The following PTPRD variants were observed in gnomAD, a reference collection of about 807,000 sequenced individuals.
PTPRD encodes receptor-type tyrosine-protein phosphatase delta.
A neutral mutation model predicts 214.5 loss-of-function variants in PTPRD; 34 were observed. The ratio of observed to expected loss-of-function variants is 0.16; its 90% CI spans 0.12 to 0.21. The LOEUF is 0.21. PTPRD is among the 10% of genes least tolerant of loss of function. The pLI is 1.00. For synonymous variants in PTPRD, 1,128 were observed against 845.7 expected (o/e 1.33, Z -5.79); for missense variants, 2,545 against 2,398.7 (o/e 1.06, Z -1.27).
At chr9:10,412,675 C>T (rs1170357975) in intron 2 of PTPRD, among the ~76,000 whole-genome samples, 1 of 150,064 alleles carries the variant, frequency 6.7e-6, no homozygotes, top group East Asian at 2.0e-4. Flanking sequence ...CCCCTTGAAG[C>T]CAATATTCTT....
intron 6 of PTPRD, among the ~76,000 whole-genome samples, chr9:9,765,551 G>C (rs988377436): frequency 2.0e-5 from 3 of 152,190 alleles, no homozygotes; most frequent in South Asian, 4.1e-4. Flanking sequence ...AGAAGTTTTA[G>C]AGAAACCCTT....
chr9:10,466,623 C>CAAAAAAAAA (rs66705572), intron 2 of PTPRD, among the ~76,000 whole-genome samples: 20 of 76,874 alleles, frequency 2.6e-4, no homozygotes, highest in African/African-American at 1.1e-3. Flanking sequence ...AACTCCAACT[C>CAAAAAAAAA]AAAAAAAAAA....
chr9:8,716,635 G>T (rs183395502), intron 12 of PTPRD, among the ~76,000 whole-genome samples: 1 of 127,962 alleles, frequency 7.8e-6, no homozygotes, highest in African/African-American at 5.1e-5. Context: ...AAAACCTAGG[G>T]GATGGTTCAC....
intron 7 of PTPRD, among the ~76,000 whole-genome samples, chr9:9,619,089 A>C (rs1297575917): frequency 1.3e-5 from 2 of 152,194 alleles, no homozygotes; most frequent in East Asian, 3.8e-4. Context: ...ATTGACTAGA[A>C]TAGTGGACTG....
intron 4 of PTPRD, among the ~76,000 whole-genome samples, chr9:9,948,180 A>G (rs775378451): frequency 1.3e-4 from 20 of 151,984 alleles, no homozygotes; most frequent in Non-Finnish European, 2.4e-4. Flanking sequence ...ATTCAAAGTC[A>G]CCTTCCTTGT....
chr9:9,829,970 T>C (rs974258694), intron 5 of PTPRD, among the ~76,000 whole-genome samples: 5 of 151,786 alleles, frequency 3.3e-5, no homozygotes, highest in African/African-American at 7.2e-5. Flanking sequence ...GTAGACTTTC[T>C]TTTGCATGCT....
intron 14 of PTPRD, among the ~76,000 whole-genome samples, chr9:8,557,597 G>A (rs1329991228): frequency 6.7e-6 from 1 of 149,408 alleles, no homozygotes; most frequent in Non-Finnish European, 1.5e-5. Context: ...ACAAAAATTA[G>A]CCAGGCATGG....
At chr9:9,509,129 G>C (rs142623693) in intron 8 of PTPRD, among the ~76,000 whole-genome samples, 7 of 151,746 alleles carry the variant, frequency 4.6e-5, no homozygotes, top group African/African-American at 1.7e-4. Flanking sequence ...AGCTCAGAAA[G>C]TAGATTATGG....
chr9:9,390,685 T>C lies in PTPRD; in HGVS notation c.-203+6764A>G, dbSNP rs368259857. Among the ~76,000 whole-genome samples, 32 of 152,336 alleles carry C rather than the reference T, an allele frequency of 2.1e-4. No homozygotes were observed. The South Asian group carries it at 6.2e-3, about 30-fold the overall frequency. On this transcript the variant is annotated intron_variant, in intron 9 of 45. Coordinates refer to ENST00000381196, the MANE Select transcript of PTPRD (RefSeq NM_002839.4). ...TTAGTACAGTCACAGATGCTTTACA[T>C]GATCAACTGAAGCAGACTTAGTGTT...
chr9:10,166,112 T>A (rs1458044247), intron 3 of PTPRD, among the ~76,000 whole-genome samples: 2 of 150,586 alleles, frequency 1.3e-5, no homozygotes, highest in East Asian at 3.9e-4. Context: ...AAAATATATG[T>A]ACATATATAC....
chr9:8,990,609 T>G (rs990604248), intron 11 of PTPRD, among the ~76,000 whole-genome samples: 13 of 152,100 alleles, frequency 8.5e-5, no homozygotes, highest in Non-Finnish European at 1.8e-4. Flanking sequence ...TCATAGAAAC[T>G]AGAACTCCTT....
intron 4 of PTPRD, among the ~76,000 whole-genome samples, chr9:9,952,594 G>C (rs531219084): frequency 6.6e-6 from 1 of 152,174 alleles, no homozygotes; most frequent in East Asian, 1.9e-4. Context: ...ATGGAAGGCT[G>C]GTTTTACTGA....
At chr9:8,947,151 C>A (rs1445533986) in intron 11 of PTPRD, among the ~76,000 whole-genome samples, 1 of 151,002 alleles carries the variant, frequency 6.6e-6, no homozygotes, top group Non-Finnish European at 1.5e-5. Flanking sequence ...TTCAATGCAG[C>A]TTTATTTTAT....
intron 3 of PTPRD, among the ~76,000 whole-genome samples, chr9:10,232,851 C>G (rs1388962198): frequency 1.3e-5 from 2 of 151,976 alleles, no homozygotes; most frequent in African/African-American, 4.8e-5. Flanking sequence ...TTTGATCTTA[C>G]AGCTCAAATG....
At chr9:9,060,664 A>G (rs923306932) in intron 10 of PTPRD, among the ~76,000 whole-genome samples, 1 of 152,058 alleles carries the variant, frequency 6.6e-6, no homozygotes, top group Non-Finnish European at 1.5e-5. Context: ...AGCCAATCCA[A>G]TAGAAAAAAA....
chr9:9,326,787 A>AT (rs925274590), intron 9 of PTPRD, among the ~76,000 whole-genome samples: 22 of 152,062 alleles, frequency 1.4e-4, no homozygotes, highest in Admixed American at 1.2e-3. Context: ...AAAAAAAGGT[A>AT]TTTTTTCATG....
chr9:10,543,858 A>G (rs1214810323), intron 2 of PTPRD, among the ~76,000 whole-genome samples: 2 of 152,228 alleles, frequency 1.3e-5, no homozygotes, highest in Non-Finnish European at 2.9e-5. Context: ...GGTTTGAACC[A>G]TATCTCAGAG....
chr9:10,126,461 A>G (rs1360785113), intron 3 of PTPRD, among the ~76,000 whole-genome samples: 1 of 150,844 alleles, frequency 6.6e-6, no homozygotes, highest in Admixed American at 6.6e-5. Context: ...ACACACACAC[A>G]CATTGATATA....
At chr9:9,699,414 T>C (rs919534654) in intron 7 of PTPRD, among the ~76,000 whole-genome samples, 1 of 152,318 alleles carries the variant, frequency 6.6e-6, no homozygotes, top group South Asian at 2.1e-4. Context: ...TTGTTCTTTT[T>C]TGTCCCCCTT....
Sources: allele counts gnomAD v4.1 joint callset (sites outside exome capture counted in the v4.1 genomes callset), GRCh38; gene constraint gnomAD v4.1.1; transcripts MANE v1.5; gene names NCBI Gene and HGNC (gene_info 2026-07-23, HGNC 2026-07-21).